ZNF583: variants seen among roughly 807,000 people sequenced by gnomAD.
ZNF583 encodes the protein zinc finger protein 583.
ZNF583 carries 30 observed loss-of-function variants against 55.3 expected under a neutral mutation model. The observed-to-expected ratio is 0.54, with a 90% CI of 0.41 to 0.74. ZNF583 has a LOEUF of 0.74. Among genes scored for constraint, ZNF583 ranks in the 30% least tolerant of loss-of-function variants. The pLI, the probability that ZNF583 is intolerant of heterozygous loss-of-function variation, is 0.00. For synonymous variants in ZNF583, 208 were observed against 220.0 expected, an observed-to-expected ratio of 0.95 and a Z score of 0.48; for missense variants, 504 against 664.7, an observed-to-expected ratio of 0.76 and a Z score of 2.66.
rs1200380503 is a variant in ZNF583, at chr19:56,423,424, G to A, written c.766G>A (p.Ala256Thr). 1.2e-6 allele frequency: 2 copies of A among 1,613,648 alleles called. No homozygotes were observed. Among genetic ancestry groups the A allele is most frequent in the African/African-American group, 1.3e-5 (1 of 74,836 alleles). ...AACGTTCAGCCAGAGTGCAAACTTGGCGCAACATAAGAGAATACATACTGG... is the reference window on the plus strand; with the variant it reads ...AACGTTCAGCCAGAGTGCAAACTTGACGCAACATAAGAGAATACATACTGG... ...GKTFSQSANL[A>T]QHKRIHTGEK... Residue 256 changes from alanine to threonine, a missense_variant, in exon 5 of 5, where the codon GCG becomes ACG. Around this residue, in one of 3 missense-constraint regions of ZNF583, gnomAD observed 237 missense variants for 373.0 expected, o/e 0.64. Transcript: ENST00000333201.
chr19:56,427,059 G>C lies in ZNF583; in HGVS notation c.*2691G>C, dbSNP rs566922694. ...GCATGTTATATGCGAATGACCGAAGGGTTTTAAAAATGGAATCTAGTCTGC... is the reference window on the plus strand; with the variant it reads ...GCATGTTATATGCGAATGACCGAAGCGTTTTAAAAATGGAATCTAGTCTGC... On this transcript the variant is annotated 3_prime_UTR_variant, in exon 5 of 5. Transcript: ENST00000333201. 1.6e-4 allele frequency: 25 copies of C among 152,176 alleles called. No individual in the cohort carries two copies. Among genetic ancestry groups the C allele is most frequent in the African/African-American group, 6.0e-4 (25 of 41,518 alleles). The allele number at this position is 152,176 out of a possible 1,614,324, so 9.4% of individuals were successfully genotyped here.
rs774186489 is a variant in ZNF583 at position 56,413,974 on chromosome 19, G to A, written c.25G>A (p.Gly9Arg). The change falls in exon 3 of 5, where the codon GGG (glycine) becomes AGG (arginine). Residue 9 changes from glycine to arginine, a missense_variant. Gly to Arg is a moderately radical substitution (Grantham distance 125). Coordinates refer to ENST00000333201, the MANE Select transcript of ZNF583 (RefSeq NM_152478.3). ...GTCATTTCAGGATTTGGTGACATTT[G>A]GGGATGTGGCTGTAAATTTCTCTCA... MSKDLVTF[G>R]DVAVNFSQEE... 3.1e-6 allele frequency: 5 copies of A among 1,613,980 alleles called. No individual in the cohort carries two copies. Among genetic ancestry groups the A allele is most frequent in the Admixed American group, 3.3e-5 (2 of 59,994 alleles).
rs754607839 is a variant in ZNF583 at position 56,423,745 on chromosome 19, C to A, written c.1087C>A (p.His363Asn). The change falls in exon 5 of 5, where the codon CAT (histidine) becomes AAT (asparagine). Residue 363 changes from histidine (H) to asparagine (N), a missense_variant. Physicochemically the swap from His to Asn is moderately conservative, Grantham distance 68 (BLOSUM62 1). Transcript: ENST00000333201. ...TAATGTGTGTGGGAAAGCCTTTAGC[C>A]ATCGTGGATACCTAATTGTACATCA... The part of the protein sequence containing the change: ...VCNVCGKAFS[H>N]RGYLIVHQRI... 6.2e-7 allele frequency: 1 copy of A among 1,612,976 alleles called. No homozygotes were observed. The highest frequency in any genetic ancestry group is 2.2e-5 in the East Asian group (1 of 44,778).
At chr19:56,407,181 G>C in intron 2 of ZNF583, 58 bp downstream of exon 2, 1 of 1,600,206 alleles carries the variant, frequency 6.2e-7, no homozygotes, top group Non-Finnish European at 8.6e-7. Context: ...TAGGTTATAC[G>C]AACATTTTGT....
intron 4 of ZNF583, among the ~76,000 whole-genome samples, chr19:56,420,928 A>G (rs2147604446): frequency 6.6e-6 from 1 of 152,164 alleles, no homozygotes; most frequent in Non-Finnish European, 1.5e-5. Flanking sequence ...TTTCTCTTTA[A>G]TATTTCTCAT....
At chr19:56,420,106 G>A (rs948493069) in intron 4 of ZNF583, among the ~76,000 whole-genome samples, 2 of 151,996 alleles carry the variant, frequency 1.3e-5, no homozygotes, top group Admixed American at 6.6e-5. Flanking sequence ...CATTTTAGCT[G>A]TATCCCACAG....
At position 56,426,709 on chromosome 19, in the gene ZNF583, A is replaced by G. The variant is rs2042494287; in HGVS notation, c.*2341A>G. 2.6e-5 allele frequency: 4 copies of G among 152,200 alleles called. No individual in the cohort carries two copies. Among genetic ancestry groups the G allele is most frequent in the Admixed American group, 2.6e-4 (4 of 15,276 alleles). The allele number at this position is 152,200 out of a possible 1,614,324, so 9.4% of individuals were successfully genotyped here. On this transcript the variant is annotated 3_prime_UTR_variant, in exon 5 of 5. Transcript: ENST00000333201. ...GAAATACAGTTTAGGCCAATGAAAT[A>G]CTATTTTTTTCAATATCAGATTAAT... is the stretch of plus-strand genomic sequence containing the variant.
chr19:56,421,426 T>G, intron 4 of ZNF583: 1 of 983,988 alleles, frequency 1.0e-6, no homozygotes, highest in Non-Finnish European at 1.2e-6. Context: ...GTTGACTTTT[T>G]ATAGGGCATT....
intron 4 of ZNF583, among the ~76,000 whole-genome samples, chr19:56,419,472 G>A (rs1244513473): frequency 1.3e-5 from 2 of 152,176 alleles, no homozygotes; most frequent in East Asian, 3.9e-4. Context: ...GGGATTACAG[G>A]CGTGAGCCAC....
In ZNF583 at chr19:56,423,788, A is replaced by G. The variant is rs367754697; in HGVS notation, c.1130A>G (p.Glu377Gly). 6.2e-7 allele frequency: 1 copy of G among 1,613,648 alleles called. No individual in the cohort carries two copies. The highest frequency in any genetic ancestry group is 8.5e-7 in the Non-Finnish European group (1 of 1,179,934). The change falls in exon 5 of 5, where the codon GAG becomes GGG. Residue 377 changes from glutamate (E) to glycine (G), a missense_variant. Transcript: ENST00000333201. ...GTACATCAGAGAATTCATACTGGAG[A>G]GAGACCCTACGAATGTAAGGAATGT... ...LIVHQRIHTG[E>G]RPYECKECRK...
At chr19:56,407,159 C>T in intron 2 of ZNF583, 36 bp downstream of exon 2, 3 of 1,612,490 alleles carry the variant, frequency 1.9e-6, no homozygotes, top group Non-Finnish European at 8.5e-7. Context: ...CCTAAAATGC[C>T]ATCTTATTTT....
intron 4 of ZNF583, among the ~76,000 whole-genome samples, chr19:56,418,054 T>G (rs1600371179): frequency 6.6e-6 from 1 of 152,216 alleles, no homozygotes; most frequent in Admixed American, 6.5e-5. Flanking sequence ...ACTGTAGCTT[T>G]GTAGTAAGTT....
chr19:56,421,185 A>G (rs1412145493), intron 4 of ZNF583, among the ~76,000 whole-genome samples: 1 of 152,184 alleles, frequency 6.6e-6, no homozygotes, highest in African/African-American at 2.4e-5. Flanking sequence ...GGGTATAGCA[A>G]TCTGTAGTTT....
chr19:56,414,967 G>A (rs2147581339), intron 4 of ZNF583, among the ~76,000 whole-genome samples: 1 of 149,006 alleles, frequency 6.7e-6, no homozygotes, highest in Admixed American at 6.7e-5. Context: ...TGTGATCTGA[G>A]ATCGCGCCCC....
At chr19:56,405,581 G>A (rs1007750793) in intron 1 of ZNF583, among the ~76,000 whole-genome samples, 1 of 152,038 alleles carries the variant, frequency 6.6e-6, no homozygotes, top group African/African-American at 2.4e-5. Flanking sequence ...AAAAGGGAGA[G>A]ACAGACAGGA....
rs1401997270 is a variant in ZNF583, at chr19:56,427,312, G to A, written c.*2944G>A. 1.3e-5 allele frequency: 2 copies of A among 152,058 alleles called. No individual in the cohort carries two copies. Among genetic ancestry groups the A allele is most frequent in the Non-Finnish European group, 2.9e-5 (2 of 68,018 alleles). The allele number at this position is 152,058 out of a possible 1,614,324, so 9.4% of individuals were successfully genotyped here. On this transcript the variant is annotated 3_prime_UTR_variant, in exon 5 of 5. Coordinates refer to ENST00000333201, the MANE Select transcript of ZNF583 (RefSeq NM_152478.3). ...GTTCTAACTGAATAAAAATCTAAATGTAAATTACTAAAGCAAAAGTATTAG... is the reference window on the plus strand; with the variant it reads ...GTTCTAACTGAATAAAAATCTAAATATAAATTACTAAAGCAAAAGTATTAG...
At chr19:56,422,777 C>A in intron 4 of ZNF583, 114 bp from the exon 5 acceptor site, 1 of 661,004 alleles carries the variant, frequency 1.5e-6, no homozygotes, top group Admixed American at 3.5e-5. Context: ...TTTTAGAATG[C>A]ATTATAAGCT....
chr19:56,424,700 C>T lies in ZNF583; in HGVS notation c.*332C>T, dbSNP rs908831116. The T allele has an allele frequency of 4.9e-6, 1 of 204,736 alleles. No homozygotes were observed. Among genetic ancestry groups the T allele is most frequent in the Non-Finnish European group, 1.0e-5 (1 of 100,312 alleles). 12.7% of individuals were successfully genotyped at this position (204,736 alleles called of 1,614,324 possible). On this transcript the variant is annotated 3_prime_UTR_variant, in exon 5 of 5. Transcript: ENST00000333201. ...ATCTTGTGTCACTATCCATCTCATTCTCTGAATACTTATCCAGGATTAAGA... is the reference window on the plus strand; with the variant it reads ...ATCTTGTGTCACTATCCATCTCATTTTCTGAATACTTATCCAGGATTAAGA...
At chr19:56,412,868 A>T (rs2042259397) in intron 2 of ZNF583, among the ~76,000 whole-genome samples, 1 of 152,108 alleles carries the variant, frequency 6.6e-6, no homozygotes, top group Non-Finnish European at 1.5e-5. Context: ...ACTTCATTTT[A>T]TCTGTGACAA....
Sources: gnomAD v4.1 joint callset for allele counts (sites outside exome capture counted in the v4.1 genomes callset) on GRCh38, gnomAD v4.1.1 for gene constraint, gnomAD v4.1.1 regional missense constraint, MANE v1.5 for transcripts, NCBI Gene and HGNC (gene_info 2026-07-23, HGNC 2026-07-21) for gene names.